Variants in HHAT observed in about 807,000 individuals in gnomAD.
HHAT encodes hedgehog acyltransferase.
HHAT carries 47 observed loss-of-function variants against 70.8 expected under a neutral mutation model. The observed-to-expected ratio is 0.66, with a 90% CI of 0.53 to 0.85. The LOEUF (loss-of-function observed/expected upper bound fraction) is 0.85. HHAT is among the 40% of genes least tolerant of loss of function. The pLI is 0.00. For synonymous variants in HHAT, 228 were observed against 247.6 expected (o/e 0.92, Z 0.74); for missense variants, 609 against 604.8 (o/e 1.01, Z -0.07).
At chr1:210,568,245 G>C (rs1047179704) in intron 9 of HHAT, among the ~76,000 whole-genome samples, 34 of 152,164 alleles carry the variant, frequency 2.2e-4, no homozygotes, top group African/African-American at 8.2e-4. Context: ...TTGGAGGGTG[G>C]TACACCCGGG....
At chr1:210,406,427 T>C (rs1342043141) in intron 6 of HHAT, among the ~76,000 whole-genome samples, 2 of 151,220 alleles carry the variant, frequency 1.3e-5, no homozygotes, top group Non-Finnish European at 2.9e-5. Flanking sequence ...AGAGTCTTAC[T>C]CTGTCACCCA....
chr1:210,644,800 T>C (rs1002584531), intron 11 of HHAT, among the ~76,000 whole-genome samples: 9 of 152,074 alleles, frequency 5.9e-5, no homozygotes, highest in Non-Finnish European at 1.2e-4. Flanking sequence ...TTTCTAAACA[T>C]TTAACCATGG....
At position 210,430,314 on chromosome 1, in the gene HHAT, C is replaced by G. The variant is rs79909812; in HGVS notation, c.856+11989C>G. 3.3e-3 allele frequency among the ~76,000 whole-genome samples: 502 copies of G among 151,802 alleles called. 15 individuals carry two copies. Among genetic ancestry groups the G allele is most frequent in the Admixed American group, 2.9e-3 (45 of 15,268 alleles). ...CCAAATCTTCAAAGCAGCCTTGATT[C>G]CTTTTAGTGGGGGAATTATATTTAG... On this transcript the variant is annotated intron_variant, in intron 7 of 11. Coordinates refer to ENST00000261458, the MANE Select transcript of HHAT (RefSeq NM_018194.6).
At chr1:210,550,327 ATCTG>A (rs1273971677) in intron 9 of HHAT, among the ~76,000 whole-genome samples, 3 of 149,206 alleles carry the variant, frequency 2.0e-5, no homozygotes, top group Non-Finnish European at 4.4e-5. Flanking sequence ...AAGAGAAGAA[ATCTG>A]TCTGTACAGT....
At chr1:210,339,001 G>A (rs1035803498) in intron 1 of HHAT, among the ~76,000 whole-genome samples, 7 of 152,066 alleles carry the variant, frequency 4.6e-5, no homozygotes, top group African/African-American at 1.4e-4. Context: ...CTATGATCAC[G>A]CCACTGCATT....
intron 10 of HHAT, among the ~76,000 whole-genome samples, chr1:210,615,331 C>G (rs888690611): frequency 6.6e-6 from 1 of 152,080 alleles, no homozygotes; most frequent in African/African-American, 2.4e-5. Flanking sequence ...TTCTAGTTAG[C>G]CATTCGTCTA....
chr1:210,369,437 A>G lies in HHAT; in HGVS notation c.159+6518A>G, dbSNP rs117208084. Among the ~76,000 whole-genome samples, 69 of 152,360 alleles carry G rather than the reference A, an allele frequency of 4.5e-4. 2 individuals are homozygous for G. In the East Asian group the frequency reaches 9.8e-3, roughly 22 times the overall value. On this transcript the variant is annotated intron_variant, in intron 3 of 11. Coordinates refer to ENST00000261458, the MANE Select transcript of HHAT (RefSeq NM_018194.6). Reference sequence around the variant, plus strand: ...GATAAAGAGGTACTTCTATAAAGACACAGTTCTTAGCTACTCATGCTTTGC... The same window carrying G: ...GATAAAGAGGTACTTCTATAAAGACGCAGTTCTTAGCTACTCATGCTTTGC...
chr1:210,522,369 G>A (rs2095171511), intron 9 of HHAT, among the ~76,000 whole-genome samples: 1 of 152,180 alleles, frequency 6.6e-6, no homozygotes, highest in Admixed American at 6.5e-5. Context: ...CTAAGGATCT[G>A]TGTGGTGTTC....
intron 8 of HHAT, among the ~76,000 whole-genome samples, chr1:210,491,499 C>G (rs1020457693): frequency 3.3e-5 from 5 of 152,036 alleles, no homozygotes; most frequent in Non-Finnish European, 5.9e-5. Flanking sequence ...AGCGGAGAAC[C>G]CTTGGGCAAG....
chr1:210,508,944 G>A (rs1273223713), intron 8 of HHAT, among the ~76,000 whole-genome samples: 2 of 152,156 alleles, frequency 1.3e-5, no homozygotes, highest in African/African-American at 4.8e-5. Context: ...CAGTACCTAT[G>A]TAACATTTTC....
At chr1:210,539,726 G>T (rs2095409548) in intron 9 of HHAT, among the ~76,000 whole-genome samples, 1 of 152,180 alleles carries the variant, frequency 6.6e-6, no homozygotes. Context: ...GCTGAGTGGG[G>T]TCAGAGAGGA....
chr1:210,567,645 G>T (rs1288720788), intron 9 of HHAT, among the ~76,000 whole-genome samples: 2 of 151,906 alleles, frequency 1.3e-5, no homozygotes, highest in Non-Finnish European at 2.9e-5. Context: ...CATCCCTTTT[G>T]CCTTTTTAGA....
intron 9 of HHAT, among the ~76,000 whole-genome samples, chr1:210,567,456 G>A (rs1199131059): frequency 2.6e-5 from 4 of 152,138 alleles, no homozygotes; most frequent in African/African-American, 9.7e-5. Flanking sequence ...CCTGTAAAAT[G>A]TTCAGCGCAG....
At chr1:210,476,160 G>T (rs537308359) in intron 8 of HHAT, among the ~76,000 whole-genome samples, 12 of 152,186 alleles carry the variant, frequency 7.9e-5, no homozygotes, top group Non-Finnish European at 1.5e-4. Flanking sequence ...TATCCTTTTT[G>T]TGAGTCCTGA....
intron 8 of HHAT, among the ~76,000 whole-genome samples, chr1:210,497,561 C>G (rs1191887466): frequency 6.6e-6 from 1 of 152,114 alleles, no homozygotes; most frequent in Non-Finnish European, 1.5e-5. Flanking sequence ...TTGATGTTGA[C>G]TGTTTGCTCT....
At chr1:210,661,278 G>A (rs542741272) in intron 11 of HHAT, among the ~76,000 whole-genome samples, 80 of 152,294 alleles carry the variant, frequency 5.3e-4, no homozygotes, top group African/African-American at 1.9e-3. Flanking sequence ...CTTCTCAAAC[G>A]AAGACATTTA....
chr1:210,357,251 T>A (rs933856468), intron 2 of HHAT, among the ~76,000 whole-genome samples: 2 of 152,158 alleles, frequency 1.3e-5, no homozygotes, highest in Non-Finnish European at 2.9e-5. Flanking sequence ...TCAGGAGCAC[T>A]ACCTCAAAAC....
intron 10 of HHAT, among the ~76,000 whole-genome samples, chr1:210,595,917 T>C (rs1573598666): frequency 6.6e-6 from 1 of 152,324 alleles, no homozygotes; most frequent in South Asian, 2.1e-4. Context: ...ATTCTGTAGG[T>C]TGCCTGATCA....
Position 210,404,368 on chromosome 1 carries a change from C to T in HHAT, c.469-96C>T. 3 of 898,560 alleles carry T rather than the reference C, an allele frequency of 3.3e-6. No homozygotes were observed. In the South Asian group the frequency reaches 4.7e-5, roughly 14 times the overall value. 55.7% of individuals were successfully genotyped at this position (898,560 alleles called of 1,614,324 possible). On this transcript the variant is annotated intron_variant, in intron 5 of 11. Transcript: ENST00000261458. ...CCTTCCCAGAGCCCCCTGGGATTCT[C>T]AGATGACGGTGGCCCTGCTGGCCAG...
Sources: allele counts gnomAD v4.1 joint callset (sites outside exome capture counted in the v4.1 genomes callset), GRCh38; gene constraint gnomAD v4.1.1; transcripts MANE v1.5; gene names NCBI Gene and HGNC (gene_info 2026-07-23, HGNC 2026-07-21).